The following CSMD1 variants were observed in gnomAD, a reference collection of about 807,000 sequenced individuals.
CSMD1 encodes the protein CUB and Sushi multiple domains 1.
A neutral mutation model predicts 417.5 loss-of-function variants in CSMD1; 213 were observed. The ratio of observed to expected loss-of-function variants is 0.51; its 90% CI spans 0.46 to 0.57. The LOEUF is 0.57. CSMD1 is among the 20% of genes least tolerant of loss of function. The probability of loss-of-function intolerance (pLI) is 0.00; values close to 1 mark genes in which losing one functional copy is unlikely to be tolerated. For missense variants in CSMD1, 6,923 were observed against 4,529.7 expected (o/e 1.53, Z -15.17); for synonymous variants, 2,862 against 1,736.8 (o/e 1.65, Z -16.11).
intron 10 of CSMD1, among the ~76,000 whole-genome samples, chr8:3,522,885 C>T (rs1352498960): frequency 2.0e-5 from 3 of 149,158 alleles, no homozygotes; most frequent in Middle Eastern, 3.3e-3. Flanking sequence ...TTAAATATTA[C>T]CTTTCAATAT....
chr8:3,962,061 G>C (rs1036645758), intron 5 of CSMD1, among the ~76,000 whole-genome samples: 1 of 152,160 alleles, frequency 6.6e-6, no homozygotes, highest in African/African-American at 2.4e-5. Flanking sequence ...AAGGTGCACG[G>C]ACCATCATTC....
At chr8:4,391,214 G>T (rs769349046) in intron 3 of CSMD1, among the ~76,000 whole-genome samples, 10 of 152,256 alleles carry the variant, frequency 6.6e-5, no homozygotes, top group Non-Finnish European at 1.5e-4. Flanking sequence ...ATTTCATGCA[G>T]TAAGAAGCAC....
chr8:4,075,556 C>T (rs770102818), intron 3 of CSMD1, among the ~76,000 whole-genome samples: 2 of 152,176 alleles, frequency 1.3e-5, no homozygotes, highest in Non-Finnish European at 2.9e-5. Context: ...ATATATGTAA[C>T]TGGTAAAATA....
chr8:4,860,338 C>G (rs1470721844), intron 1 of CSMD1, among the ~76,000 whole-genome samples: 1 of 151,250 alleles, frequency 6.6e-6, no homozygotes, highest in Non-Finnish European at 1.5e-5. Flanking sequence ...GTGCAGCGTA[C>G]CAGCATGGCA....
chr8:4,129,897 T>C (rs187425606), intron 3 of CSMD1, among the ~76,000 whole-genome samples: 2 of 152,310 alleles, frequency 1.3e-5, no homozygotes, highest in South Asian at 2.1e-4. Flanking sequence ...ATATAATATA[T>C]CCTTTTACTT....
chr8:4,909,941 A>C (rs73507914), intron 1 of CSMD1, among the ~76,000 whole-genome samples: 4,007 of 152,254 alleles, frequency 0.026, 156 homozygotes, highest in African/African-American at 0.091. Context: ...CGACTAGCTG[A>C]AACTGAAGTC....
chr8:3,114,733 T>C (rs1350828590), intron 42 of CSMD1, among the ~76,000 whole-genome samples: 3 of 152,170 alleles, frequency 2.0e-5, no homozygotes, highest in Non-Finnish European at 2.9e-5. Context: ...TTCTCTATTA[T>C]TGGGAAAGAT....
intron 26 of CSMD1, among the ~76,000 whole-genome samples, chr8:3,252,534 G>T (rs1269778626): frequency 1.3e-5 from 2 of 151,996 alleles, no homozygotes; most frequent in Non-Finnish European, 1.5e-5. Flanking sequence ...TTTTTTTGTT[G>T]TGTGTCTGCC....
At chr8:4,027,175 G>A (rs973917309) in intron 4 of CSMD1, among the ~76,000 whole-genome samples, 1 of 152,166 alleles carries the variant, frequency 6.6e-6, no homozygotes, top group African/African-American at 2.4e-5. Flanking sequence ...TAGTTACGAC[G>A]AGGTAAGAAG....
At chr8:3,031,848 T>G (rs571846972) in intron 50 of CSMD1, among the ~76,000 whole-genome samples, 7 of 137,886 alleles carry the variant, frequency 5.1e-5, no homozygotes, top group Admixed American at 1.5e-4. Context: ...CTAGTTTGAT[T>G]ATTTGCTCAC....
chr8:4,044,211 G>A (rs767036468), intron 3 of CSMD1, among the ~76,000 whole-genome samples: 8 of 152,070 alleles, frequency 5.3e-5, no homozygotes, highest in Admixed American at 2.0e-4. Flanking sequence ...CACAATAACT[G>A]CTGTTTCAAA....
chr8:3,650,709 A>G (rs1339736821), intron 7 of CSMD1, among the ~76,000 whole-genome samples: 1 of 152,202 alleles, frequency 6.6e-6, no homozygotes, highest in African/African-American at 2.4e-5. Flanking sequence ...TTCTCAAAGA[A>G]AGGGCATCAA....
chr8:3,567,637 A>C (rs902431388), intron 10 of CSMD1, among the ~76,000 whole-genome samples: 1 of 151,912 alleles, frequency 6.6e-6, no homozygotes, highest in Non-Finnish European at 1.5e-5. Flanking sequence ...TATCAGCTCA[A>C]ATTCCCAGCC....
chr8:4,311,169 A>G (rs974663211), intron 3 of CSMD1, among the ~76,000 whole-genome samples: 11 of 152,208 alleles, frequency 7.2e-5, no homozygotes, highest in Non-Finnish European at 1.3e-4. Context: ...AGTGGAATAT[A>G]AATCATTCCA....
chr8:4,884,428 G>C (rs992986331), intron 1 of CSMD1, among the ~76,000 whole-genome samples: 1 of 151,890 alleles, frequency 6.6e-6, no homozygotes, highest in African/African-American at 2.4e-5. Context: ...TTGTGCTTTT[G>C]CTTTTATCTG....
chr8:2,980,012 C>T (rs1262340360), intron 54 of CSMD1, among the ~76,000 whole-genome samples: 1 of 152,164 alleles, frequency 6.6e-6, no homozygotes, highest in East Asian at 1.9e-4. Context: ...CTGGAAGACA[C>T]CCACATCGTC....
intron 3 of CSMD1, among the ~76,000 whole-genome samples, chr8:4,137,718 T>C (rs1803520521): frequency 2.2e-5 from 2 of 92,110 alleles, no homozygotes; most frequent in Admixed American, 1.2e-4. Flanking sequence ...ATAAAGATAC[T>C]GTATTTCACG....
intron 11 of CSMD1, among the ~76,000 whole-genome samples, chr8:3,476,526 T>C (rs1003196128): frequency 6.6e-6 from 1 of 152,302 alleles, no homozygotes; most frequent in Admixed American, 6.5e-5. Context: ...TCTTCCAGAA[T>C]GGCGGTACCA....
intron 1 of CSMD1, among the ~76,000 whole-genome samples, chr8:4,941,061 T>A (rs1807965057): frequency 6.6e-6 from 1 of 152,260 alleles, no homozygotes; most frequent in Non-Finnish European, 1.5e-5. Context: ...TTTTGTAATC[T>A]GACAGATAAA....
Sources: gnomAD v4.1 joint callset for allele counts (sites outside exome capture counted in the v4.1 genomes callset) on GRCh38, gnomAD v4.1.1 for gene constraint, MANE v1.5 for transcripts, NCBI Gene and HGNC (gene_info 2026-07-23, HGNC 2026-07-21) for gene names.